Variants in SNTB1 observed in about 807,000 individuals in gnomAD.
SNTB1 encodes the protein beta-1-syntrophin.
A neutral mutation model predicts 48.9 loss-of-function variants in SNTB1; 36 were observed. The ratio of observed to expected loss-of-function variants is 0.74; its 90% CI spans 0.56 to 0.97. SNTB1 has a LOEUF of 0.97. SNTB1 is among the 50% of genes least tolerant of loss of function. The pLI is 0.00. For synonymous variants in SNTB1, 299 were observed against 294.6 expected (o/e 1.01, Z -0.15); for missense variants, 786 against 703.4 (o/e 1.12, Z -1.33).
At chr8:120,624,656 C>T (rs1362139381) in intron 3 of SNTB1, among the ~76,000 whole-genome samples, 1 of 152,138 alleles carries the variant, frequency 6.6e-6, no homozygotes, top group Admixed American at 6.6e-5. Flanking sequence ...TCATTCCATC[C>T]CAATAGTCCC....
chr8:120,790,380 T>C (rs1820007589), intron 1 of SNTB1, among the ~76,000 whole-genome samples: 1 of 152,034 alleles, frequency 6.6e-6, no homozygotes, highest in Non-Finnish European at 1.5e-5. Context: ...CTGGAAATCC[T>C]AGACAGAGCA....
At chr8:120,573,125 A>G (rs1224751165) in intron 4 of SNTB1, among the ~76,000 whole-genome samples, 1 of 152,160 alleles carries the variant, frequency 6.6e-6, no homozygotes, top group Non-Finnish European at 1.5e-5. Context: ...TGGCTGCACC[A>G]TTTTACATTC....
rs10599097 is a variant in SNTB1 at position 120,795,226 on chromosome 8, CTT to C, written c.571+16045_571+16046del. On this transcript the variant is annotated intron_variant, in intron 1 of 6. Coordinates refer to ENST00000517992, the MANE Select transcript of SNTB1 (RefSeq NM_021021.4). ...GTTGCATAGGTATCAGATTTTGACT[CTT>C]TTAGCAAGTGGAGAAGTTAAAAAAA... is the stretch of plus-strand genomic sequence containing the variant. 6.1e-3 allele frequency among the ~76,000 whole-genome samples: 919 copies of C among 151,250 alleles called. 12 individuals are homozygous for C. Among genetic ancestry groups the C allele is most frequent in the African/African-American group, 0.021 (874 of 41,052 alleles).
chr8:120,576,026 T>C (rs1815945044), intron 3 of SNTB1, among the ~76,000 whole-genome samples: 1 of 152,212 alleles, frequency 6.6e-6, no homozygotes, highest in Non-Finnish European at 1.5e-5. Context: ...GGCCCTAGGA[T>C]ACATCTTTAA....
intron 1 of SNTB1, chr8:120,776,808 T>C (rs905412091): frequency 6.6e-6 from 1 of 152,178 alleles, no homozygotes; most frequent in Non-Finnish European, 1.5e-5. Flanking sequence ...AGTGCACACA[T>C]GGATGAATAA....
chr8:120,577,801 G>A (rs1330590063), intron 3 of SNTB1, among the ~76,000 whole-genome samples: 1 of 152,190 alleles, frequency 6.6e-6, no homozygotes, highest in Non-Finnish European at 1.5e-5. Flanking sequence ...GTGTCAAGTG[G>A]TATATGTAGG....
intron 2 of SNTB1, among the ~76,000 whole-genome samples, chr8:120,682,632 C>T (rs997367145): frequency 4.7e-4 from 72 of 152,268 alleles, no homozygotes; most frequent in African/African-American, 1.5e-3. Context: ...TATGTATACC[C>T]TTTCTACCAT....
chr8:120,788,987 T>C (rs1483234386), intron 1 of SNTB1, among the ~76,000 whole-genome samples: 3 of 152,046 alleles, frequency 2.0e-5, no homozygotes, highest in Admixed American at 6.6e-5. Flanking sequence ...GACTATATGA[T>C]AGGCCACAAA....
chr8:120,766,957 G>A lies in SNTB1; in HGVS notation c.571+44316C>T, dbSNP rs574980778. 2.6e-5 allele frequency among the ~76,000 whole-genome samples: 4 copies of A among 152,114 alleles called. No homozygotes were observed. In the East Asian group the frequency reaches 7.7e-4, roughly 29 times the overall value. On this transcript the variant is annotated intron_variant, in intron 1 of 6. Transcript: ENST00000517992. ...CCAGGCATCTTATTTCTAATTATAT[G>A]AATGATTATCCCAGAGTTTTTTTCA...
At chr8:120,670,042 T>C (rs1371094937) in intron 2 of SNTB1, among the ~76,000 whole-genome samples, 2 of 152,244 alleles carry the variant, frequency 1.3e-5, no homozygotes, top group Non-Finnish European at 2.9e-5. Context: ...AAATGTATCA[T>C]GTCCTAGAAA....
rs2130636674 is a variant in SNTB1 at position 120,536,728 on chromosome 8, A to G, written c.*2149T>C. 6.6e-6 allele frequency: 1 copy of G among 152,202 alleles called. No individual in the cohort carries two copies. Among genetic ancestry groups the G allele is most frequent in the Non-Finnish European group, 1.5e-5 (1 of 67,976 alleles). The allele number at this position is 152,202 out of a possible 1,614,324, so 9.4% of individuals were successfully genotyped here. The stretch of plus-strand genomic sequence containing the variant: ...TATAAATGTAGAGAATGTAGTTTCC[A>G]TTGACCCCCACACAGATATTAATCA... On this transcript the variant is annotated 3_prime_UTR_variant, in exon 7 of 7. Coordinates refer to ENST00000517992, the MANE Select transcript of SNTB1 (RefSeq NM_021021.4).
At chr8:120,723,838 T>G (rs1174733066) in intron 1 of SNTB1, among the ~76,000 whole-genome samples, 2 of 152,234 alleles carry the variant, frequency 1.3e-5, no homozygotes, top group Non-Finnish European at 2.9e-5. Context: ...AAATGTCCAG[T>G]AAACGGCAGC....
At chr8:120,748,377 C>T (rs903897195) in intron 1 of SNTB1, among the ~76,000 whole-genome samples, 6 of 152,108 alleles carry the variant, frequency 3.9e-5, no homozygotes, top group East Asian at 1.9e-4. Flanking sequence ...GTCATCCTTC[C>T]GTAGTCTGGG....
chr8:120,767,169 A>G (rs1819539953), intron 1 of SNTB1, among the ~76,000 whole-genome samples: 1 of 151,994 alleles, frequency 6.6e-6, no homozygotes, highest in Admixed American at 6.5e-5. Context: ...GTCTTTTTTT[A>G]ATTCTCTCGT....
intron 3 of SNTB1, among the ~76,000 whole-genome samples, chr8:120,607,345 G>A (rs2130726471): frequency 6.6e-6 from 1 of 152,142 alleles, no homozygotes; most frequent in Admixed American, 6.5e-5. Context: ...TAAATTTAAT[G>A]CAATCCCAAT....
chr8:120,608,483 C>G (rs549512116), intron 3 of SNTB1, among the ~76,000 whole-genome samples: 1 of 152,246 alleles, frequency 6.6e-6, no homozygotes, highest in African/African-American at 2.4e-5. Flanking sequence ...CAGACACCCA[C>G]AGAGGGAAGA....
intron 2 of SNTB1, among the ~76,000 whole-genome samples, chr8:120,640,983 C>A (rs942791588): frequency 6.6e-6 from 1 of 152,078 alleles, no homozygotes; most frequent in Non-Finnish European, 1.5e-5. Flanking sequence ...TGGTAGAATT[C>A]GGCTGTGAAT....
At chr8:120,673,286 TTTTC>T (rs1458227351) in intron 2 of SNTB1, among the ~76,000 whole-genome samples, 42 of 151,190 alleles carry the variant, frequency 2.8e-4, no homozygotes, top group African/African-American at 1.0e-3. Context: ...TCCCATGCTT[TTTTC>T]TTTCTTTTTT....
At chr8:120,694,017 ACTT>A (rs1404606047) in intron 1 of SNTB1, 109 bp from the exon 2 acceptor site, 3 of 818,910 alleles carry the variant, frequency 3.7e-6, no homozygotes, top group African/African-American at 1.7e-5. Context: ...TTAATACTGA[ACTT>A]CTTAAATTCT....
Sources: gnomAD v4.1 joint callset for allele counts (sites outside exome capture counted in the v4.1 genomes callset) on GRCh38, gnomAD v4.1.1 for gene constraint, MANE v1.5 for transcripts, NCBI Gene and HGNC (gene_info 2026-07-23, HGNC 2026-07-21) for gene names.